MAPK13: variants seen among roughly 807,000 people sequenced by gnomAD.
The protein encoded by MAPK13 is mitogen-activated protein kinase 13.
MAPK13 carries 39 observed loss-of-function variants against 53.5 expected under a neutral mutation model. That is an observed-to-expected ratio of 0.73 (90% confidence interval 0.56 to 0.95). The LOEUF (loss-of-function observed/expected upper bound fraction) is 0.95. MAPK13 is among the 40% of genes least tolerant of loss of function. The pLI, the probability that MAPK13 is intolerant of heterozygous loss-of-function variation, is 0.00. For synonymous variants in MAPK13, 179 were observed against 190.9 expected, an observed-to-expected ratio of 0.94 and a Z score of 0.51; for missense variants, 460 against 471.8, an observed-to-expected ratio of 0.98 and a Z score of 0.23.
chr6:36,135,827 A>C lies in MAPK13; in HGVS notation c.383A>C (p.Gln128Pro). Residue 128 changes from glutamine (Q) to proline (P), a missense_variant, in exon 4 of 12, where the codon CAG (glutamine) becomes CCG (proline). Transcript: ENST00000211287. ...ATGGAGTTCAGTGAGGAGAAGATCC[A>C]GTACCTGGTGTATCAGATGCTCAAA... ...MGMEFSEEKI[Q>P]YLVYQMLKGL... is the part of the protein sequence containing the mutation. 6.2e-7 allele frequency: 1 copy of C among 1,614,068 alleles called. No individual in the cohort carries two copies. The highest frequency in any genetic ancestry group is 1.3e-5 in the African/African-American group (1 of 75,032).
chr6:36,132,886 TTG>T (rs1237995000), intron 3 of MAPK13, among the ~76,000 whole-genome samples: 1 of 152,138 alleles, frequency 6.6e-6, no homozygotes, highest in African/African-American at 2.4e-5. Flanking sequence ...AGGAAGGACT[TTG>T]TGGGGTGCTT....
intron 5 of MAPK13, among the ~76,000 whole-genome samples, 173 bp downstream of exon 5, chr6:36,136,221 C>G (rs1055743399): frequency 6.6e-6 from 1 of 152,214 alleles, no homozygotes; most frequent in Admixed American, 6.5e-5. Flanking sequence ...AAAAGAGTCA[C>G]TGTGTCCCAG....
intron 8 of MAPK13, among the ~76,000 whole-genome samples, chr6:36,137,958 CAAAA>C (rs35527328): frequency 2.6e-4 from 22 of 83,386 alleles, no homozygotes; most frequent in African/African-American, 9.6e-4. Flanking sequence ...GACCCTGTCT[CAAAA>C]AAAAAAAAAA....
At position 36,130,976 on chromosome 6, in the gene MAPK13, G is replaced by T. The variant is rs958923293; in HGVS notation, c.119+275G>T. On this transcript the variant is annotated intron_variant, in intron 1 of 11. Transcript: ENST00000211287. The surrounding 1 kb of genome is among the most constrained non-coding windows in gnomAD (Gnocchi z 4.5). Reference sequence around the variant, plus strand: ...CGGGCAGATCCTCACTGTTACAGACGAGTACACCGAGGCCCCAAGAGGGGG... The same window carrying T: ...CGGGCAGATCCTCACTGTTACAGACTAGTACACCGAGGCCCCAAGAGGGGG... 3.8e-6 allele frequency: 2 copies of T among 527,176 alleles called. No individual in the cohort carries two copies. Among genetic ancestry groups the T allele is most frequent in the Admixed American group, 7.0e-5 (2 of 28,642 alleles). 32.7% of individuals were successfully genotyped at this position (527,176 alleles called of 1,614,324 possible). A position where few individuals can be genotyped will look rare whatever the true frequency, so the allele number is the denominator to read the frequency against.
At position 36,136,691 on chromosome 6, in the gene MAPK13, C is replaced by G. The variant is rs115013068; in HGVS notation, c.531C>G (p.Ala177=). The G allele has an allele frequency of 1.9e-3, 2,999 of 1,614,040 alleles. 43 individuals carry two copies. In the African/African-American group the frequency reaches 0.03, roughly 16 times the overall value. The part of the protein sequence containing the change: ...LDFGLARHAD[A]EMTGYVVTRW... ...TTGGGCTGGCGCGACATGCAGACGC[C>G]GAGATGACTGGCTACGTGGTGACCC... The change falls in exon 7 of 12, where the codon GCC becomes GCG. Residue 177 remains alanine (A), a synonymous_variant. Transcript: ENST00000211287.
intron 4 of MAPK13, 65 bp from the exon 5 acceptor site, chr6:36,135,954 G>A: frequency 6.2e-7 from 1 of 1,607,110 alleles, no homozygotes; most frequent in Non-Finnish European, 8.5e-7. Flanking sequence ...TTACAGGTCG[G>A]CCAGCCTGAA....
Position 36,142,025 on chromosome 6 carries a change from A to G in MAPK13, c.*2652A>G, listed in dbSNP as rs959821898. The G allele has an allele frequency of 6.6e-6, 1 of 152,334 alleles. No individual in the cohort carries two copies. The highest frequency in any genetic ancestry group is 2.4e-5 in the African/African-American group (1 of 41,412). 9.4% of individuals were successfully genotyped at this position (152,334 alleles called of 1,614,324 possible). A position where few individuals can be genotyped will look rare whatever the true frequency, so the allele number is the denominator to read the frequency against. On this transcript the variant is annotated 3_prime_UTR_variant, in exon 12 of 12. Transcript: ENST00000211287. This position sits in a 1 kb window ranked among gnomAD's most constrained non-coding sequence, Gnocchi z 4.4. ...GCCTCCTGAGAATTCTCACTGCCCC[A>G]AGGAAAAAGTCTAGCCTTCCTTCTT...
In MAPK13 at chr6:36,130,655, T is replaced by C; in HGVS notation, c.73T>C (p.Tyr25His). 6.4e-7 allele frequency: 1 copy of C among 1,567,008 alleles called. No homozygotes were observed. Among genetic ancestry groups the C allele is most frequent in the South Asian group, 1.1e-5 (1 of 88,294 alleles). Residue 25 changes from tyrosine (Y) to histidine (H), a missense_variant, in exon 1 of 12, where the codon TAC (tyrosine) becomes CAC (histidine). Transcript: ENST00000211287. This position sits in a 1 kb window ranked among gnomAD's most constrained non-coding sequence, Gnocchi z 4.5. ...NKTAWELPKT[Y>H]VSPTHVGSGA... ...GACAGCCTGGGAGCTGCCCAAGACC[T>C]ACGTGTCCCCGACGCACGTCGGCAG...
At chr6:36,136,246 A>C (rs1766414870) in intron 5 of MAPK13, among the ~76,000 whole-genome samples, 198 bp downstream of exon 5, 1 of 152,158 alleles carries the variant, frequency 6.6e-6, no homozygotes, top group Non-Finnish European at 1.5e-5. Flanking sequence ...CTTCATGGGG[A>C]ATTGCTGCAG....
At chr6:36,137,347 C>G (rs4711433) in intron 8 of MAPK13, among the ~76,000 whole-genome samples, 106,924 of 151,930 alleles carry the variant, frequency 0.7, 38,015 homozygotes, top group East Asian at 0.93. Context: ...AACCCCGTAT[C>G]TACTAAAAAT....
intron 2 of MAPK13, 28 bp from the exon 3 acceptor site, chr6:36,132,593 T>A: frequency 6.2e-7 from 1 of 1,611,618 alleles, no homozygotes; most frequent in South Asian, 1.1e-5. Context: ...AGCGTCTGTC[T>A]AGCCCTCACA....
At chr6:36,132,149 G>T (rs1268397927) in intron 2 of MAPK13, among the ~76,000 whole-genome samples, 1 of 152,222 alleles carries the variant, frequency 6.6e-6, no homozygotes, top group Non-Finnish European at 1.5e-5. Flanking sequence ...TCCAGCCAGG[G>T]TGATCTTGCC....
chr6:36,138,237 T>G, intron 8 of MAPK13, 128 bp from the exon 9 acceptor site: 1 of 674,402 alleles, frequency 1.5e-6, no homozygotes, highest in Non-Finnish European at 2.7e-6. Flanking sequence ...GAGCAGGAGG[T>G]GGTTAGGCAG....
chr6:36,136,396 G>C (rs974871170), intron 5 of MAPK13, 88 bp from the exon 6 acceptor site: 10 of 1,160,982 alleles, frequency 8.6e-6, no homozygotes, highest in Non-Finnish European at 1.2e-5. Flanking sequence ...AAGGGGCCTG[G>C]CTGAGGTCAC....
chr6:36,136,819 C>G lies in MAPK13; in HGVS notation c.610+49C>G, dbSNP rs372092878. 6 of 1,610,900 alleles carry G rather than the reference C, an allele frequency of 3.7e-6. No individual in the cohort carries two copies. The South Asian group carries it at 6.6e-5, about 18-fold the overall frequency. On this transcript the variant is annotated intron_variant, in intron 7 of 11. Coordinates refer to ENST00000211287, the MANE Select transcript of MAPK13 (RefSeq NM_002754.5). ...GCGGTCCTGGGGCCATCTGGTCACT[C>G]GGTGCTGACTGACTGCTGGGCCCCA...
intron 3 of MAPK13, among the ~76,000 whole-genome samples, chr6:36,133,543 G>C (rs759379673): frequency 1.6e-4 from 25 of 152,212 alleles, no homozygotes; most frequent in Non-Finnish European, 3.5e-4. Context: ...GAATGGGCAG[G>C]TTCCTGCTTG....
rs577309883 is a variant in MAPK13 at position 36,144,312 on chromosome 6, A to G, written c.*4939A>G. The G allele has an allele frequency of 5.3e-5, 8 of 152,250 alleles. No individual in the cohort carries two copies. Among genetic ancestry groups the G allele is most frequent in the Non-Finnish European group, 8.8e-5 (6 of 68,048 alleles). The allele number at this position is 152,250 out of a possible 1,614,324, so 9.4% of individuals were successfully genotyped here. On this transcript the variant is annotated 3_prime_UTR_variant, in exon 12 of 12. Transcript: ENST00000211287. ...GTTTCTTTATTAACATATTGAATAA[A>G]AAGATCGAGGGTAGGCCTATTAAAC...
Position 36,132,630 on chromosome 6 carries a change from C to A in MAPK13, c.259C>A (p.Leu87Ile), listed in dbSNP as rs918806990. Residue 87 changes from leucine to isoleucine, a missense_variant, in exon 3 of 12, where the codon CTC (leucine) becomes ATC (isoleucine). Physicochemically the swap from Leu to Ile is conservative, Grantham distance 5. Coordinates refer to ENST00000211287, the MANE Select transcript of MAPK13 (RefSeq NM_002754.5). The stretch of plus-strand genomic sequence containing the variant: ...GTGACTTCTTCCCCAGGTCATTGGG[C>A]TCCTGGATGTCTTCACCCCAGCCTC... ...KHMQHENVIG[L>I]LDVFTPASSL... 6.2e-7 allele frequency: 1 copy of A among 1,614,210 alleles called. No individual in the cohort carries two copies. The highest frequency in any genetic ancestry group is 8.5e-7 in the Non-Finnish European group (1 of 1,180,028).
chr6:36,137,343 G>GT (rs1468822563), intron 8 of MAPK13, among the ~76,000 whole-genome samples: 1 of 151,970 alleles, frequency 6.6e-6, no homozygotes, highest in African/African-American at 2.4e-5. Flanking sequence ...GGGAAACCCC[G>GT]TATCTACTAA....
Sources: allele counts gnomAD v4.1 joint callset (sites outside exome capture counted in the v4.1 genomes callset), GRCh38; gene constraint gnomAD v4.1.1; non-coding constraint Gnocchi (gnomAD v3.1); transcripts MANE v1.5; gene names NCBI Gene and HGNC (gene_info 2026-07-23, HGNC 2026-07-21).